The following CLK1 variants were observed in gnomAD, a reference collection of about 807,000 sequenced individuals.
CLK1 encodes CDC like kinase 1, also known as dual specificity protein kinase CLK1.
In CLK1, 40 loss-of-function variants were observed where a neutral mutation model predicts 60.9. The observed-to-expected ratio is 0.66, with a 90% CI of 0.51 to 0.86. CLK1 has a LOEUF of 0.86. Among genes scored for constraint, CLK1 ranks in the 40% least tolerant of loss-of-function variants. The pLI is 0.00. For missense variants in CLK1, 563 were observed against 606.1 expected, an observed-to-expected ratio of 0.93 and a Z score of 0.75; for synonymous variants, 203 against 184.4, an observed-to-expected ratio of 1.10 and a Z score of -0.82.
intron 4 of CLK1, 187 bp from the exon 5 acceptor site, chr2:200,859,933 TG>T: frequency 7.0e-7 from 1 of 1,433,398 alleles, no homozygotes; most frequent in Non-Finnish European, 9.1e-7. Flanking sequence ...ATTACTGTTC[TG>T]GAAGTTCTAT....
chr2:200,864,453 C>A (rs2039197131), intron 1 of CLK1, 111 bp downstream of exon 1: 2 of 528,180 alleles, frequency 3.8e-6, no homozygotes, highest in Non-Finnish European at 6.3e-6. Flanking sequence ...AGGCAGTCGT[C>A]GCGCCGGGGA....
chr2:200,853,630 C>G (rs540743595), intron 12 of CLK1, among the ~76,000 whole-genome samples, 181 bp from the exon 13 acceptor site: 1 of 139,324 alleles, frequency 7.2e-6, no homozygotes, highest in East Asian at 2.2e-4. Flanking sequence ...CACTTGAGGC[C>G]AGGAGTTCAA....
At position 200,861,333 on chromosome 2, in the gene CLK1, T is replaced by C. The variant is rs6735666; in HGVS notation, c.295A>G (p.Asn99Asp). 1,293 of 1,614,194 alleles carry C rather than the reference T, an allele frequency of 8.0e-4. 8 individuals carry two copies. The African/African-American group carries it at 0.016, about 20-fold the overall frequency. ...CTACCAGAAGACTTGCTACTATGGT[T>C]CTGATACCGGCTTTCATGGTCTCTT... ...RQRDHESRYQ[N>D]HSSKSSGRSG... Residue 99 changes from asparagine to aspartate, a missense_variant, in exon 3 of 13, where the codon AAC becomes GAC. Around this residue, in one of 3 missense-constraint regions of CLK1, gnomAD observed 198 missense variants for 179.2 expected, o/e 1.10. Transcript: ENST00000321356.
chr2:200,862,940 G>A (rs961712673), intron 1 of CLK1, among the ~76,000 whole-genome samples: 1 of 151,642 alleles, frequency 6.6e-6, no homozygotes, highest in African/African-American at 2.4e-5. Flanking sequence ...CCACTCCCAA[G>A]CACATACAAC....
chr2:200,864,280 G>A (rs889478105), intron 1 of CLK1: 13 of 1,490,232 alleles, frequency 8.7e-6, no homozygotes, highest in Middle Eastern at 1.8e-4. Flanking sequence ...ACCGTCCCGC[G>A]TCAGGCGGCG....
chr2:200,853,559 G>A, intron 12 of CLK1, 110 bp from the exon 13 acceptor site: 1 of 1,032,530 alleles, frequency 9.7e-7, no homozygotes. Flanking sequence ...ACAGAAAAGA[G>A]GCCAGGCATG....
chr2:200,859,973 CA>C, intron 4 of CLK1, 151 bp downstream of exon 4: 1 of 1,421,424 alleles, frequency 7.0e-7, no homozygotes, highest in Non-Finnish European at 9.2e-7. Flanking sequence ...CTAAAGAAAG[CA>C]AAAATACAAT....
At chr2:200,858,392 G>C (rs2039079002) in intron 5 of CLK1, among the ~76,000 whole-genome samples, 1 of 152,156 alleles carries the variant, frequency 6.6e-6, no homozygotes, top group South Asian at 2.1e-4. Flanking sequence ...GATACAGTGG[G>C]GAAAGAGTAA....
chr2:200,853,329 C>T lies in CLK1; in HGVS notation c.1432G>A (p.Asp478Asn). ...LREALKHPFF[D>N]LLKKSI is the part of the protein sequence containing the mutation. ...ATCTATATACTTTTCTTCAGAAGGT[C>T]AAAGAAAGGATGCTTTAAGGCTTCT... The change falls in exon 13 of 13, where the codon GAC (aspartate) becomes AAC (asparagine). Residue 478 changes from aspartate (D) to asparagine (N), a missense_variant. By Grantham distance (23) the Asp-to-Asn change is conservative. This residue lies in a region of CLK1 where 360 missense variants were observed against 407.0 expected (regional missense o/e 0.88). Coordinates refer to ENST00000321356, the MANE Select transcript of CLK1 (RefSeq NM_004071.4). The T allele has an allele frequency of 6.2e-7, 1 of 1,611,498 alleles. No individual in the cohort carries two copies. The highest frequency in any genetic ancestry group is 2.2e-5 in the East Asian group (1 of 44,730).
intron 5 of CLK1, 113 bp from the exon 6 acceptor site, chr2:200,858,202 G>C (rs2039075246): frequency 6.4e-6 from 5 of 782,748 alleles, no homozygotes; most frequent in South Asian, 2.9e-5. Flanking sequence ...TTTAATTTAT[G>C]GTTTAGTGTT....
chr2:200,853,255 A>T lies in CLK1; in HGVS notation c.*51T>A, dbSNP rs1270317242. 4 of 1,353,810 alleles carry T rather than the reference A, an allele frequency of 3.0e-6. No homozygotes were observed. The Admixed American group carries it at 1.0e-4, about 34-fold the overall frequency. The allele number at this position is 1,353,810 out of a possible 1,614,324, so 83.9% of individuals were successfully genotyped here. ...CAAAATAACTTAAAATTTAAAAATT[A>T]GACTGATACAGTCTGTAAGATCTCT... On this transcript the variant is annotated 3_prime_UTR_variant, in exon 13 of 13. Transcript: ENST00000321356.
chr2:200,855,968 C>T (rs1348336297), intron 9 of CLK1, among the ~76,000 whole-genome samples: 1 of 151,334 alleles, frequency 6.6e-6, no homozygotes, highest in Non-Finnish European at 1.5e-5. Flanking sequence ...AAGATTGCAC[C>T]ACTGCACTCC....
intron 5 of CLK1, among the ~76,000 whole-genome samples, chr2:200,859,266 AG>A (rs1280026354): frequency 1.3e-5 from 2 of 152,240 alleles, no homozygotes; most frequent in Non-Finnish European, 2.9e-5. Context: ...CTATGTTATC[AG>A]AATGAATTAC....
chr2:200,861,551 C>G (rs186781335), intron 2 of CLK1, 85 bp from the exon 3 acceptor site: 5 of 1,562,828 alleles, frequency 3.2e-6, no homozygotes, highest in Admixed American at 1.9e-5. Context: ...TAGACTCCCC[C>G]ACAAGCAGCT....
rs773139526 is a variant in CLK1, at chr2:200,864,167, C to G, written c.-1+397G>C. ...TCTGGAACCCCAGCAAATCCCCCCT[C>G]AACGGGGAGCCTCGCCTTTCCGGCC... On this transcript the variant is annotated intron_variant, in intron 1 of 12. Transcript: ENST00000321356. 8.9e-5 allele frequency: 138 copies of G among 1,551,102 alleles called. No individual in the cohort carries two copies. Among genetic ancestry groups the G allele is most frequent in the Non-Finnish European group, 1.2e-4 (132 of 1,146,840 alleles).
intron 12 of CLK1, 70 bp from the exon 13 acceptor site, chr2:200,853,519 G>A: frequency 7.3e-7 from 1 of 1,365,348 alleles, no homozygotes; most frequent in Non-Finnish European, 1.0e-6. Context: ...TAACAGTATA[G>A]TAAACCATAT....
intron 1 of CLK1, among the ~76,000 whole-genome samples, chr2:200,863,553 T>C (rs753941377): frequency 6.6e-6 from 1 of 151,094 alleles, no homozygotes; most frequent in Non-Finnish European, 1.5e-5. Context: ...GGCGAGACCT[T>C]GTCTCAAAAA....
intron 9 of CLK1, among the ~76,000 whole-genome samples, chr2:200,856,446 AC>A (rs750400517): frequency 5.3e-5 from 8 of 152,116 alleles, no homozygotes; most frequent in Non-Finnish European, 1.2e-4. Flanking sequence ...ACATTTAAAA[AC>A]CCTACCACAT....
At chr2:200,860,011 TAAAAC>T (rs1441935277) in intron 4 of CLK1, 109 bp downstream of exon 4, 49 of 1,465,262 alleles carry the variant, frequency 3.3e-5, no homozygotes, top group Non-Finnish European at 3.3e-5. Context: ...AATGGAAAAA[TAAAAC>T]AAAAACAAAA....
Sources: gnomAD v4.1 joint callset for allele counts (sites outside exome capture counted in the v4.1 genomes callset) on GRCh38, gnomAD v4.1.1 for gene constraint, gnomAD v4.1.1 regional missense constraint, MANE v1.5 for transcripts, NCBI Gene and HGNC (gene_info 2026-07-23, HGNC 2026-07-21) for gene names.